The following STAC variants were observed in gnomAD, a reference collection of about 807,000 sequenced individuals.
STAC encodes SH3 and cysteine rich domain.
STAC carries 43 observed loss-of-function variants against 48.8 expected under a neutral mutation model. The ratio of observed to expected loss-of-function variants is 0.88; its 90% CI spans 0.69 to 1.14. The LOEUF is 1.14. Among genes scored for constraint, STAC ranks in the 50% most tolerant of loss-of-function variants. The probability of loss-of-function intolerance (pLI) is 0.00; values close to 1 mark genes in which losing one functional copy is unlikely to be tolerated. For missense variants in STAC, 497 were observed against 504.0 expected (o/e 0.99, Z 0.13); for synonymous variants, 193 against 179.5 (o/e 1.07, Z -0.60).
rs1170026281 is a variant in STAC, at chr3:36,546,497, C to T, written c.*208C>T. On this transcript the variant is annotated 3_prime_UTR_variant, in exon 11 of 11. Transcript: ENST00000273183. ...ATATCCAGGCTGCCACAGGTGGGGA[C>T]GAGGCTGAGAGAGTCAGCAGGCAGA... 1.1e-5 allele frequency: 6 copies of T among 571,290 alleles called. No individual in the cohort carries two copies. The highest frequency in any genetic ancestry group is 3.0e-5 in the Admixed American group (1 of 33,348). 35.4% of individuals were successfully genotyped at this position (571,290 alleles called of 1,614,324 possible).
intron 1 of STAC, among the ~76,000 whole-genome samples, chr3:36,430,986 G>A (rs1454465915): frequency 6.6e-6 from 1 of 152,176 alleles, no homozygotes; most frequent in African/African-American, 2.4e-5. Context: ...AGAATTTGAG[G>A]AGGGATACAA....
chr3:36,415,691 C>T (rs1178715772), intron 1 of STAC, among the ~76,000 whole-genome samples: 1 of 152,162 alleles, frequency 6.6e-6, no homozygotes, highest in Non-Finnish European at 1.5e-5. Context: ...CAGAAATCAC[C>T]CATCTTCTGC....
chr3:36,522,498 A>T (rs1698830784), intron 8 of STAC, among the ~76,000 whole-genome samples: 1 of 152,152 alleles, frequency 6.6e-6, no homozygotes, highest in Non-Finnish European at 1.5e-5. Flanking sequence ...GGCTTAGATA[A>T]TTTTTTTGAT....
chr3:36,499,662 T>C (rs1463332882), intron 6 of STAC, among the ~76,000 whole-genome samples: 4 of 152,022 alleles, frequency 2.6e-5, no homozygotes, highest in Non-Finnish European at 4.4e-5. Flanking sequence ...TTAAGCACTC[T>C]AGATAAAAGA....
chr3:36,402,383 A>C (rs553309707), intron 1 of STAC, among the ~76,000 whole-genome samples: 3 of 152,144 alleles, frequency 2.0e-5, no homozygotes, highest in Non-Finnish European at 4.4e-5. Context: ...GAAGGTGAGC[A>C]TGTGCTGGAC....
chr3:36,501,853 A>T (rs1292282897), intron 6 of STAC, among the ~76,000 whole-genome samples: 1 of 152,184 alleles, frequency 6.6e-6, no homozygotes, highest in Non-Finnish European at 1.5e-5. Flanking sequence ...CAAGGATATC[A>T]TGAAAAAGGA....
intron 5 of STAC, among the ~76,000 whole-genome samples, chr3:36,492,672 T>C (rs1698023498): frequency 6.6e-6 from 1 of 152,212 alleles, no homozygotes; most frequent in African/African-American, 2.4e-5. Context: ...GGATACATAT[T>C]ATAAAAACAA....
chr3:36,434,249 A>G (rs55854251), intron 1 of STAC, among the ~76,000 whole-genome samples: 3,553 of 152,328 alleles, frequency 0.023, 60 homozygotes, highest in East Asian at 0.026. Flanking sequence ...AGGCCACAAT[A>G]TGACAGGTAT....
At chr3:36,453,832 C>G (rs1696766841) in intron 2 of STAC, among the ~76,000 whole-genome samples, 1 of 152,228 alleles carries the variant, frequency 6.6e-6, no homozygotes, top group East Asian at 1.9e-4. Flanking sequence ...CCGATCGGCA[C>G]TCTGCATCTA....
chr3:36,542,629 A>C (rs1208901297), intron 10 of STAC, among the ~76,000 whole-genome samples: 1 of 152,126 alleles, frequency 6.6e-6, no homozygotes, highest in African/African-American at 2.4e-5. Context: ...CATTGGCTAG[A>C]TCAGGTTTCC....
chr3:36,499,290 T>A (rs1022975878), intron 6 of STAC, among the ~76,000 whole-genome samples: 3 of 152,200 alleles, frequency 2.0e-5, no homozygotes, highest in East Asian at 1.9e-4. Flanking sequence ...ATAATGTTTT[T>A]AAAAAGTTGT....
At chr3:36,538,498 T>C (rs1311355776) in intron 10 of STAC, among the ~76,000 whole-genome samples, 1 of 152,206 alleles carries the variant, frequency 6.6e-6, no homozygotes, top group African/African-American at 2.4e-5. Flanking sequence ...TATTTGTCTC[T>C]AACTCTGATT....
intron 1 of STAC, among the ~76,000 whole-genome samples, chr3:36,398,308 A>AAAGAAAGAAAGC (rs1307246395): frequency 2.7e-5 from 3 of 111,270 alleles, no homozygotes; most frequent in East Asian, 5.2e-4. Context: ...AGAAAGAAAG[A>AAAGAAAGAAAGC]AAGAAAGAAA....
intron 7 of STAC, among the ~76,000 whole-genome samples, chr3:36,505,328 A>T (rs1386428865): frequency 6.6e-6 from 1 of 152,098 alleles, no homozygotes; most frequent in Non-Finnish European, 1.5e-5. Flanking sequence ...GATATACTAG[A>T]TACCAACTTT....
chr3:36,385,590 C>T (rs905902597), intron 1 of STAC, among the ~76,000 whole-genome samples: 2 of 151,964 alleles, frequency 1.3e-5, no homozygotes, highest in Non-Finnish European at 2.9e-5. Context: ...AAACTCTTGA[C>T]CTTTGTGTGA....
intron 1 of STAC, among the ~76,000 whole-genome samples, chr3:36,414,913 T>C (rs1390837720): frequency 6.6e-6 from 1 of 152,212 alleles, no homozygotes; most frequent in Admixed American, 6.5e-5. Context: ...TGCAGGTCTG[T>C]TGGAGTTTGC....
intron 10 of STAC, among the ~76,000 whole-genome samples, chr3:36,530,593 C>CTTTTTTTTTTTTTTTTTTTTTT (rs577222686): frequency 1.4e-5 from 1 of 72,016 alleles, no homozygotes; most frequent in Non-Finnish European, 2.4e-5. Flanking sequence ...TTTTTTTTTT[C>CTTTTTTTTTTTTTTTTTTTTTT]TTTTTTTTTT....
chr3:36,411,577 A>G (rs1050741996), intron 1 of STAC, among the ~76,000 whole-genome samples: 1 of 152,196 alleles, frequency 6.6e-6, no homozygotes, highest in Non-Finnish European at 1.5e-5. Flanking sequence ...GGCAGGGAGT[A>G]TTTTGCCAAC....
At chr3:36,470,005 G>A (rs536161828) in intron 2 of STAC, among the ~76,000 whole-genome samples, 1 of 152,196 alleles carries the variant, frequency 6.6e-6, no homozygotes, top group Admixed American at 6.5e-5. Flanking sequence ...TTAAGTTGGA[G>A]TGAACCTTTC....
Sources: gnomAD v4.1 joint callset for allele counts (sites outside exome capture counted in the v4.1 genomes callset) on GRCh38, gnomAD v4.1.1 for gene constraint, MANE v1.5 for transcripts, NCBI Gene and HGNC (gene_info 2026-07-23, HGNC 2026-07-21) for gene names.